The following NLRC3 variants were observed in gnomAD, a reference collection of about 807,000 sequenced individuals.
NLRC3 encodes the protein NLR family CARD domain containing 3.
A neutral mutation model predicts 91.6 loss-of-function variants in NLRC3; 87 were observed. That is an observed-to-expected ratio of 0.95 (90% CI 0.80 to 1.14). The LOEUF is 1.14. Ranked by LOEUF, NLRC3 falls within the 50% of genes most tolerant of loss-of-function variation. The pLI is 0.00. For synonymous variants in NLRC3, 694 were observed against 625.3 expected, an observed-to-expected ratio of 1.11 and a Z score of -1.64; for missense variants, 1,577 against 1,418.6, an observed-to-expected ratio of 1.11 and a Z score of -1.79.
In NLRC3 at chr16:3,564,362, C is replaced by A. The variant is rs375710085; in HGVS notation, c.575G>T (p.Arg192Leu). The A allele has an allele frequency of 1.2e-6, 2 of 1,612,080 alleles. No individual in the cohort carries two copies. The highest frequency in any genetic ancestry group is 1.7e-6 in the Non-Finnish European group (2 of 1,179,748). The stretch of plus-strand genomic sequence containing the variant: ...GTGCGGGAAGACCGAGCAGATGAGT[C>A]GGTCGGCACACAGCTTCTCGTGGGT... ...LNTHEKLCADRLICSVFPHVG... is the reference protein window; with the variant it reads ...LNTHEKLCADLLICSVFPHVG... The change falls in exon 5 of 20, where the codon CGA becomes CTA. Residue 192 changes from arginine (R) to leucine (L), a missense_variant. Coordinates refer to ENST00000359128, the MANE Select transcript of NLRC3 (RefSeq NM_178844.4). The surrounding 1 kb of genome is among the most constrained non-coding windows in gnomAD (Gnocchi z 5.9).
intron 15 of NLRC3, 89 bp from the exon 16 acceptor site, chr16:3,544,418 C>T: frequency 1.2e-6 from 1 of 851,276 alleles, no homozygotes; most frequent in Non-Finnish European, 2.0e-6. Context: ...CCAGGTTTAA[C>T]CGACTACACA....
chr16:3,551,483 C>G (rs2038997330), intron 10 of NLRC3, among the ~76,000 whole-genome samples: 2 of 151,874 alleles, frequency 1.3e-5, no homozygotes. Context: ...ACCCACCCAT[C>G]CATCCATCCC....
intron 13 of NLRC3, 38 bp from the exon 14 acceptor site, chr16:3,548,791 C>T (rs749200426): frequency 4.8e-6 from 7 of 1,448,048 alleles, no homozygotes; most frequent in East Asian, 4.8e-5. Flanking sequence ...AGCCGGGGGC[C>T]GGCTGTGAAG....
At chr16:3,548,845 A>T (rs1424769789) in intron 13 of NLRC3, 92 bp from the exon 14 acceptor site, 4 of 890,184 alleles carry the variant, frequency 4.5e-6, no homozygotes, top group Non-Finnish European at 7.0e-6. Context: ...TTGATACCAG[A>T]TCACCCAGCC....
chr16:3,571,224 G>A (rs1221544946), intron 1 of NLRC3, among the ~76,000 whole-genome samples: 1 of 152,020 alleles, frequency 6.6e-6, no homozygotes, highest in Non-Finnish European at 1.5e-5. Flanking sequence ...TTATTTTCAG[G>A]TCAATTAAGG....
rs2039744126 is a variant in NLRC3 at position 3,563,928 on chromosome 16, T to A, written c.1009A>T (p.Met337Leu). 1 of 1,592,516 alleles carries A rather than the reference T, an allele frequency of 6.3e-7. No homozygotes were observed. The highest frequency in any genetic ancestry group is 1.7e-5 in the Admixed American group (1 of 58,128). ...TVPAFCRLTGMALGHLWRSRT... is the reference protein window; with the variant it reads ...TVPAFCRLTGLALGHLWRSRT... ...CTGCGCCACAGGTGGCCTAGCGCCA[T>A]CCCCGTGAGCCTGCAGAAGGCTGGG... Residue 337 changes from methionine (M) to leucine (L), a missense_variant, in exon 5 of 20, where the codon ATG becomes TTG. Coordinates refer to ENST00000359128, the MANE Select transcript of NLRC3 (RefSeq NM_178844.4).
intron 15 of NLRC3, among the ~76,000 whole-genome samples, chr16:3,547,362 A>G (rs1343575690): frequency 6.6e-6 from 1 of 152,192 alleles, no homozygotes; most frequent in Non-Finnish European, 1.5e-5. Flanking sequence ...TGCGGTGTCC[A>G]GGGTAGGAAG....
intron 1 of NLRC3, among the ~76,000 whole-genome samples, chr16:3,575,639 G>A (rs1302051265): frequency 6.6e-6 from 1 of 152,242 alleles, no homozygotes; most frequent in Non-Finnish European, 1.5e-5. Context: ...CCTTCCTGGT[G>A]TGGTGTGGGC....
intron 10 of NLRC3, among the ~76,000 whole-genome samples, chr16:3,551,964 T>C (rs2039032694): frequency 6.7e-6 from 1 of 148,674 alleles, no homozygotes; most frequent in Non-Finnish European, 1.5e-5. Flanking sequence ...CGTCCACTCA[T>C]CAGTGTATCC....
chr16:3,569,397 ATTTT>A (rs1203778704), intron 1 of NLRC3, among the ~76,000 whole-genome samples: 20 of 41,062 alleles, frequency 4.9e-4, no homozygotes, highest in East Asian at 4.5e-3. Flanking sequence ...TATATATATT[ATTTT>A]TTTTTTTTTT....
chr16:3,567,021 T>A (rs1385351542), intron 2 of NLRC3, among the ~76,000 whole-genome samples: 1 of 152,228 alleles, frequency 6.6e-6, no homozygotes, highest in Non-Finnish European at 1.5e-5. Flanking sequence ...TCCTGGGGTC[T>A]CCTGGGAGTG....
chr16:3,577,301 A>AG lies in NLRC3; in HGVS notation c.-322dup. Reference sequence around the variant, plus strand: ...GCCTGAGTTCTCAGGACCAGGGATCAGGGCACTTACCACGCCAACCAACCA... The same window carrying AG: ...GCCTGAGTTCTCAGGACCAGGGATCAGGGGCACTTACCACGCCAACCAACCA... On this transcript the variant is annotated 5_prime_UTR_variant, in exon 1 of 20. Transcript: ENST00000359128. 1.5e-6 allele frequency: 1 copy of AG among 671,112 alleles called. No individual in the cohort carries two copies. Among genetic ancestry groups the AG allele is most frequent in the Non-Finnish European group, 2.7e-6 (1 of 368,138 alleles). The allele number at this position is 671,112 out of a possible 1,614,324, so 41.6% of individuals were successfully genotyped here. A position where few individuals can be genotyped will look rare whatever the true frequency, so the allele number is the denominator to read the frequency against.
At position 3,544,296 on chromosome 16, in the gene NLRC3, C is replaced by A. The variant is rs35402060; in HGVS notation, c.2805G>T (p.Ala935=). ...LQENAIGDDG[A]CAVARALKVN... is the part of the protein sequence containing the mutation. ...CCTTCAGTGCACGGGCCACCGCACACGCTCCGTCATCCCCGATGGCGTTCT... is the reference window on the plus strand; with the variant it reads ...CCTTCAGTGCACGGGCCACCGCACAAGCTCCGTCATCCCCGATGGCGTTCT... The change falls in exon 16 of 20, where the codon GCG becomes GCT. Residue 935 remains alanine, a synonymous_variant. Transcript: ENST00000359128. The A allele has an allele frequency of 1.9e-6, 3 of 1,613,356 alleles. No individual in the cohort carries two copies. The highest frequency in any genetic ancestry group is 1.7e-6 in the Non-Finnish European group (2 of 1,179,368).
At chr16:3,557,400 A>G (rs921474656) in intron 7 of NLRC3, among the ~76,000 whole-genome samples, 193 bp downstream of exon 7, 2 of 152,208 alleles carry the variant, frequency 1.3e-5, no homozygotes, top group Non-Finnish European at 2.9e-5. Flanking sequence ...TTCCCACAGG[A>G]GTCTTAGAAC....
intron 1 of NLRC3, among the ~76,000 whole-genome samples, chr16:3,570,963 T>C (rs1453097259): frequency 6.6e-6 from 1 of 152,128 alleles, no homozygotes; most frequent in Non-Finnish European, 1.5e-5. Context: ...AGTCTTCCAT[T>C]TGTATTATTA....
At position 3,564,123 on chromosome 16, in the gene NLRC3, A is replaced by G. The variant is rs1249750970; in HGVS notation, c.814T>C (p.Ser272Pro). ...SIWITSRPSA[S>P]GQIPGGLVDR... ...ACCAGGCCCCCTGGGATCTGGCCAG[A>G]TGCACTGGGACGGGAGGTGATCCAG... Residue 272 changes from serine to proline, a missense_variant, in exon 5 of 20, where the codon TCT becomes CCT. Coordinates refer to ENST00000359128, the MANE Select transcript of NLRC3 (RefSeq NM_178844.4). The surrounding 1 kb of genome is among the most constrained non-coding windows in gnomAD (Gnocchi z 5.9). 6.2e-7 allele frequency: 1 copy of G among 1,613,668 alleles called. No individual in the cohort carries two copies. The highest frequency in any genetic ancestry group is 8.5e-7 in the Non-Finnish European group (1 of 1,179,860).
At position 3,563,127 on chromosome 16, in the gene NLRC3, G is replaced by A. The variant is rs768456414; in HGVS notation, c.1810C>T (p.Leu604=). The A allele has an allele frequency of 1.9e-6, 3 of 1,582,258 alleles. No individual in the cohort carries two copies. Among genetic ancestry groups the A allele is most frequent in the African/African-American group, 1.3e-5 (1 of 74,406 alleles). ...TCGGACACCTGCAGGAGGTAGGCCA[G>A]GGCAGCGCGGTGCGCGGGACCAGTC... ...RLTGPAHRAA[L]AYLLQVSDAC... The change falls in exon 5 of 20, where the codon CTG becomes TTG. Residue 604 remains leucine (L), a synonymous_variant. Coordinates refer to ENST00000359128, the MANE Select transcript of NLRC3 (RefSeq NM_178844.4).
intron 15 of NLRC3, 186 bp from the exon 16 acceptor site, chr16:3,544,515 AG>A (rs2038588050): frequency 3.4e-6 from 2 of 591,858 alleles, no homozygotes; most frequent in South Asian, 3.9e-5. Context: ...AAGCACACAG[AG>A]GCGTCTGGGG....
intron 9 of NLRC3, among the ~76,000 whole-genome samples, chr16:3,553,027 G>A (rs141303716): frequency 6.6e-6 from 1 of 152,230 alleles, no homozygotes; most frequent in African/African-American, 2.4e-5. Context: ...CCTAAATCTG[G>A]TGGAGGGAGA....
Sources: allele counts gnomAD v4.1 joint callset (sites outside exome capture counted in the v4.1 genomes callset), GRCh38; gene constraint gnomAD v4.1.1; non-coding constraint Gnocchi (gnomAD v3.1); transcripts MANE v1.5; gene names NCBI Gene and HGNC (gene_info 2026-07-23, HGNC 2026-07-21).